The following AGBL4 variants were observed in gnomAD, a reference collection of about 807,000 sequenced individuals.
AGBL4 encodes the protein AGBL carboxypeptidase 4, also known as cytosolic carboxypeptidase 6.
AGBL4 carries 58 observed loss-of-function variants against 66.4 expected under a neutral mutation model. The observed-to-expected ratio is 0.87, with a 90% CI of 0.71 to 1.09. The LOEUF is 1.09. Among genes scored for constraint, AGBL4 ranks in the 50% least tolerant of loss-of-function variants. AGBL4 has a pLI of 0.00. For synonymous variants in AGBL4, 234 were observed against 222.9 expected (o/e 1.05, Z -0.44); for missense variants, 579 against 631.0 (o/e 0.92, Z 0.88).
intron 1 of AGBL4, among the ~76,000 whole-genome samples, chr1:49,918,205 G>A (rs1651781381): frequency 6.6e-6 from 1 of 152,104 alleles, no homozygotes; most frequent in Non-Finnish European, 1.5e-5. Context: ...ACATTCAAAA[G>A]CTAGCAGAGG....
At chr1:48,930,805 C>CATTCATTCAT (rs1557472899) in intron 5 of AGBL4, among the ~76,000 whole-genome samples, 1 of 151,400 alleles carries the variant, frequency 6.6e-6, no homozygotes, top group African/African-American at 2.4e-5. Context: ...GGTTCATTCA[C>CATTCATTCAT]TCATTCATTC....
At chr1:49,351,079 A>C (rs1643894087) in intron 3 of AGBL4, among the ~76,000 whole-genome samples, 1 of 152,100 alleles carries the variant, frequency 6.6e-6, no homozygotes, top group African/African-American at 2.4e-5. Context: ...CAGTTTTCCT[A>C]GTATGTTCCT....
chr1:49,682,415 A>G (rs1646713115), intron 3 of AGBL4, among the ~76,000 whole-genome samples: 1 of 152,206 alleles, frequency 6.6e-6, no homozygotes, highest in African/African-American at 2.4e-5. Context: ...CAGAAAAAAT[A>G]TACATAAATA....
rs556134400 is a variant in AGBL4, at chr1:49,251,315, G to A, written c.283-5451C>T. On this transcript the variant is annotated intron_variant, in intron 3 of 13. Transcript: ENST00000371839. ...TTGCTGGTGTGTGTCTGCATGGGTG[G>A]ATTTTGTTTTACTTGCCCTTCCACA... Among the ~76,000 whole-genome samples, 3 of 152,252 alleles carry A rather than the reference G, an allele frequency of 2.0e-5. No homozygotes were observed. In the East Asian group the frequency reaches 5.8e-4, roughly 29 times the overall value.
chr1:48,588,810 G>T (rs1644866751), intron 10 of AGBL4, among the ~76,000 whole-genome samples: 1 of 121,422 alleles, frequency 8.2e-6, no homozygotes, highest in African/African-American at 2.8e-5. Flanking sequence ...GAGAAGAGAA[G>T]AGAAGAGAAG....
chr1:48,713,911 T>G (rs771331638), intron 6 of AGBL4, among the ~76,000 whole-genome samples: 63 of 152,198 alleles, frequency 4.1e-4, no homozygotes, highest in Non-Finnish European at 1.8e-4. Flanking sequence ...AATAGATATC[T>G]TCATTCTTCC....
intron 3 of AGBL4, among the ~76,000 whole-genome samples, chr1:49,251,293 C>A (rs537434638): frequency 6.6e-6 from 1 of 152,322 alleles, no homozygotes; most frequent in South Asian, 2.1e-4. Flanking sequence ...CATCACTTTG[C>A]TGGTGTGTGT....
At chr1:49,551,185 C>G (rs1215363079) in intron 3 of AGBL4, among the ~76,000 whole-genome samples, 1 of 152,104 alleles carries the variant, frequency 6.6e-6, no homozygotes, top group Non-Finnish European at 1.5e-5. Flanking sequence ...TTGAATATTT[C>G]TCCCTTCACT....
chr1:48,626,794 G>C (rs1030414603), intron 9 of AGBL4, among the ~76,000 whole-genome samples: 4 of 152,188 alleles, frequency 2.6e-5, no homozygotes, highest in African/African-American at 7.2e-5. Flanking sequence ...GGAAACATGG[G>C]GATGGAACAA....
At chr1:49,530,280 A>AAAAAAAAAAAAAAAAAAAAAAAAC (rs1165391996) in intron 3 of AGBL4, among the ~76,000 whole-genome samples, 1 of 148,000 alleles carries the variant, frequency 6.8e-6, no homozygotes, top group African/African-American at 2.5e-5. Context: ...AAACAAAAAA[A>AAAAAAAAAAAAAAAAAAAAAAAAC]AACTCTATGA....
chr1:49,026,822 G>A (rs899219876), intron 5 of AGBL4, among the ~76,000 whole-genome samples: 6 of 152,046 alleles, frequency 3.9e-5, no homozygotes, highest in Admixed American at 1.3e-4. Context: ...CTATGTCCTT[G>A]GTTCCCAGTA....
chr1:49,109,027 G>C (rs946982299), intron 4 of AGBL4, among the ~76,000 whole-genome samples: 4 of 152,086 alleles, frequency 2.6e-5, no homozygotes, highest in African/African-American at 9.7e-5. Flanking sequence ...CTAGACATGG[G>C]TTTTTCAAAC....
At chr1:48,888,334 G>A (rs1650572536) in intron 5 of AGBL4, among the ~76,000 whole-genome samples, 2 of 152,172 alleles carry the variant, frequency 1.3e-5, no homozygotes, top group African/African-American at 4.8e-5. Flanking sequence ...GGCAGAATCT[G>A]CACATCCAGC....
At chr1:49,998,496 T>C (rs1660519604) in intron 1 of AGBL4, among the ~76,000 whole-genome samples, 1 of 152,134 alleles carries the variant, frequency 6.6e-6, no homozygotes, top group African/African-American at 2.4e-5. Flanking sequence ...ACAGCTGAAT[T>C]GTATCAGACA....
intron 4 of AGBL4, among the ~76,000 whole-genome samples, chr1:49,173,181 C>T (rs1447187951): frequency 6.6e-6 from 1 of 151,930 alleles, no homozygotes; most frequent in Non-Finnish European, 1.5e-5. Context: ...AGCAAAAATA[C>T]ATCTTAAGAC....
intron 4 of AGBL4, among the ~76,000 whole-genome samples, chr1:49,052,961 T>C (rs929538459): frequency 2.0e-5 from 3 of 152,198 alleles, no homozygotes; most frequent in Non-Finnish European, 4.4e-5. Context: ...TAATCAGTCA[T>C]GTAACCTTGG....
intron 6 of AGBL4, among the ~76,000 whole-genome samples, chr1:48,804,957 T>C (rs990170522): frequency 6.6e-6 from 1 of 152,198 alleles, no homozygotes; most frequent in Non-Finnish European, 1.5e-5. Context: ...TAACAAACTC[T>C]GGTTGGTTGG....
intron 3 of AGBL4, among the ~76,000 whole-genome samples, chr1:49,301,349 T>C (rs183434591): frequency 3.9e-5 from 6 of 152,336 alleles, no homozygotes; most frequent in Admixed American, 1.3e-4. Context: ...CCATCTTGCT[T>C]CTAACATCAC....
chr1:49,273,582 ATAT>A (rs1430391172), intron 3 of AGBL4, among the ~76,000 whole-genome samples: 1 of 150,780 alleles, frequency 6.6e-6, no homozygotes, highest in Non-Finnish European at 1.5e-5. Context: ...ATTAAATTTA[ATAT>A]TAATAATATA....
Sources: allele counts gnomAD v4.1 joint callset (sites outside exome capture counted in the v4.1 genomes callset), GRCh38; gene constraint gnomAD v4.1.1; transcripts MANE v1.5; gene names NCBI Gene and HGNC (gene_info 2026-07-23, HGNC 2026-07-21).